Variants in PIP4K2B observed in about 807,000 individuals in gnomAD.
PIP4K2B encodes the protein phosphatidylinositol-5-phosphate 4-kinase type 2 beta.
PIP4K2B carries 3 observed loss-of-function variants against 42.0 expected under a neutral mutation model. The ratio of observed to expected loss-of-function variants is 0.07; its 90% confidence interval spans 0.03 to 0.18. The LOEUF (loss-of-function observed/expected upper bound fraction) is 0.18, where lower values mean the gene tolerates loss of function less well. Among genes scored for constraint, PIP4K2B ranks in the 10% least tolerant of loss-of-function variants. The probability of loss-of-function intolerance (pLI) is 1.00; values close to 1 mark genes in which losing one functional copy is unlikely to be tolerated. For synonymous variants in PIP4K2B, 204 were observed against 210.1 expected (o/e 0.97, Z 0.25); for missense variants, 332 against 562.3 (o/e 0.59, Z 4.14).
chr17:38,798,245 T>C (rs1910755326), intron 1 of PIP4K2B, among the ~76,000 whole-genome samples: 1 of 152,224 alleles, frequency 6.6e-6, no homozygotes. Context: ...TTAGTGAAGT[T>C]GGTGTTTCGG....
rs140913608 is a variant in PIP4K2B at position 38,771,093 on chromosome 17, G to A, written c.987C>T (p.Asn329=). ...CAAAGAACCGAGGAAAGCTGAGGAGGTTGCCAGGGCTGTCCGGAGGTGTGC... is the reference window on the plus strand; with the variant it reads ...CAAAGAACCGAGGAAAGCTGAGGAGATTGCCAGGGCTGTCCGGAGGTGTGC... ...SYGTPPDSPG[N]LLSFPRFFGP... Residue 329 remains asparagine, a synonymous_variant, in exon 8 of 10, where the codon AAC becomes AAT. Coordinates refer to ENST00000619039, the MANE Select transcript of PIP4K2B (RefSeq NM_003559.5). The A allele has an allele frequency of 6.2e-7, 1 of 1,614,036 alleles. No individual in the cohort carries two copies. Among genetic ancestry groups the A allele is most frequent in the African/African-American group, 1.3e-5 (1 of 74,906 alleles).
chr17:38,772,118 CACA>C (rs1368254287), intron 7 of PIP4K2B, among the ~76,000 whole-genome samples: 6 of 152,256 alleles, frequency 3.9e-5, no homozygotes, highest in African/African-American at 1.2e-4. Context: ...ATGGATATGA[CACA>C]ACAATATATT....
At chr17:38,796,959 G>C (rs1199422959) in intron 1 of PIP4K2B, among the ~76,000 whole-genome samples, 1 of 152,026 alleles carries the variant, frequency 6.6e-6, no homozygotes, top group East Asian at 1.9e-4. Flanking sequence ...TCTTCTTCTA[G>C]GCAGATGTCT....
chr17:38,773,493 C>G (rs143011688), intron 7 of PIP4K2B, among the ~76,000 whole-genome samples: 1 of 152,196 alleles, frequency 6.6e-6, no homozygotes, highest in Non-Finnish European at 1.5e-5. Flanking sequence ...GATTTCAAGA[C>G]AAAGTATGGA....
chr17:38,771,160 C>A lies in PIP4K2B; in HGVS notation c.920G>T (p.Cys307Phe). 1 of 1,614,138 alleles carries A rather than the reference C, an allele frequency of 6.2e-7. No homozygotes were observed. Among genetic ancestry groups the A allele is most frequent in the Non-Finnish European group, 8.5e-7 (1 of 1,180,012 alleles). ...EVEERAEDEE[C>F]ENDGVGGNLL... Reference sequence around the variant, plus strand: ...GTTGCCACCCACCCCATCATTCTCACACTCCTCGTCCTCTGCCCGCTCCTC... The same window carrying A: ...GTTGCCACCCACCCCATCATTCTCAAACTCCTCGTCCTCTGCCCGCTCCTC... The change falls in exon 8 of 10, where the codon TGT (cysteine) becomes TTT (phenylalanine). Residue 307 changes from cysteine to phenylalanine, a missense_variant. Physicochemically the swap from Cys to Phe is radical, Grantham distance 205. Coordinates refer to ENST00000619039, the MANE Select transcript of PIP4K2B (RefSeq NM_003559.5).
intron 1 of PIP4K2B, among the ~76,000 whole-genome samples, chr17:38,790,442 T>G (rs1172002179): frequency 6.6e-6 from 1 of 152,106 alleles, no homozygotes; most frequent in Non-Finnish European, 1.5e-5. Flanking sequence ...ATCCCAACAC[T>G]TTGGGAGGCC....
At chr17:38,777,594 A>G in intron 7 of PIP4K2B, 93 bp downstream of exon 7, 1 of 858,498 alleles carries the variant, frequency 1.2e-6, no homozygotes. Flanking sequence ...ATACTCCTGG[A>G]AAGTACTGAA....
chr17:38,776,636 A>C (rs888936673), intron 7 of PIP4K2B: 53 of 445,014 alleles, frequency 1.2e-4, no homozygotes, highest in African/African-American at 8.1e-4. Context: ...CTAAAAAAAA[A>C]CAAAACAAAC....
At chr17:38,798,984 G>A (rs1910803031) in intron 1 of PIP4K2B, among the ~76,000 whole-genome samples, 1 of 152,234 alleles carries the variant, frequency 6.6e-6, no homozygotes, top group Non-Finnish European at 1.5e-5. Context: ...TTGCCTTTGC[G>A]CTCCATGGGC....
At position 38,770,478 on chromosome 17, in the gene PIP4K2B, T is replaced by G. The variant is rs228289; in HGVS notation, c.1128A>C (p.Thr376=). 414,807 of 1,603,786 alleles carry G rather than the reference T, an allele frequency of 0.26. 59,223 individuals are homozygous for G. The highest frequency in any genetic ancestry group is 0.45 in the African/African-American group (33,732 of 74,708). Residue 376 remains threonine (T), a synonymous_variant, in exon 9 of 10, where the codon ACA becomes ACC. Coordinates refer to ENST00000619039, the MANE Select transcript of PIP4K2B (RefSeq NM_003559.5). ...TGGCAGCATGTGCAGCTTTCTTCTT[T>G]GTATCGTATGGCGTGAGGATATCAA... is the stretch of plus-strand genomic sequence containing the variant. ...AIIDILTPYD[T]KKKAAHAAKT... is the part of the protein sequence containing the mutation.
intron 2 of PIP4K2B, among the ~76,000 whole-genome samples, chr17:38,785,853 C>T (rs75630729): frequency 0.014 from 2,207 of 152,266 alleles, 45 homozygotes; most frequent in African/African-American, 0.05. Flanking sequence ...ATGCCCACTT[C>T]GAGAACCCGG....
intron 6 of PIP4K2B, among the ~76,000 whole-genome samples, 159 bp from the exon 7 acceptor site, chr17:38,777,959 C>G (rs1025383908): frequency 6.6e-6 from 1 of 152,118 alleles, no homozygotes; most frequent in Non-Finnish European, 1.5e-5. Flanking sequence ...GCCTCTAGTC[C>G]CAGGCTTTGG....
In PIP4K2B at chr17:38,767,893, T is replaced by A. The variant is rs1325284381; in HGVS notation, c.*1798A>T. On this transcript the variant is annotated 3_prime_UTR_variant, in exon 10 of 10. Coordinates refer to ENST00000619039, the MANE Select transcript of PIP4K2B (RefSeq NM_003559.5). ...CTTGCGGCAGTTGTTCAGACCTACC[T>A]ATGGCCCCTTCCTGGGGCCAAGGCA... 1 of 152,242 alleles carries A rather than the reference T, an allele frequency of 6.6e-6. No individual in the cohort carries two copies. Among genetic ancestry groups the A allele is most frequent in the Non-Finnish European group, 1.5e-5 (1 of 68,038 alleles). 9.4% of individuals were successfully genotyped at this position (152,242 alleles called of 1,614,324 possible).
At chr17:38,793,246 C>T (rs551264518) in intron 1 of PIP4K2B, among the ~76,000 whole-genome samples, 5,361 of 127,944 alleles carry the variant, frequency 0.042, 167 homozygotes, top group African/African-American at 0.1. Flanking sequence ...AAGATTTTTT[C>T]TTTTTTTTTT....
chr17:38,775,728 C>T (rs373743881), intron 7 of PIP4K2B, among the ~76,000 whole-genome samples: 76 of 152,056 alleles, frequency 5.0e-4, no homozygotes, highest in African/African-American at 1.7e-3. Context: ...CGTGGCAGCA[C>T]GCGCCTGTAG....
intron 1 of PIP4K2B, among the ~76,000 whole-genome samples, chr17:38,788,406 T>G (rs890128343): frequency 2.6e-5 from 4 of 151,930 alleles, no homozygotes; most frequent in African/African-American, 9.7e-5. Flanking sequence ...TTCACCATGT[T>G]AGCCTGGATA....
intron 1 of PIP4K2B, among the ~76,000 whole-genome samples, chr17:38,794,695 G>C (rs538098833): frequency 1.3e-5 from 2 of 149,420 alleles, no homozygotes; most frequent in African/African-American, 4.9e-5. Context: ...CCTTGGGTTA[G>C]GCAATGTCTT....
At position 38,772,667 on chromosome 17, in the gene PIP4K2B, C is replaced by T. The variant is rs143134489; in HGVS notation, c.808-1395G>A. ...TGCAATCTCGGCTCACTGCAACCTCCACCTCCCAGGTTCAAGTGATTCTCC... is the reference window on the plus strand; with the variant it reads ...TGCAATCTCGGCTCACTGCAACCTCTACCTCCCAGGTTCAAGTGATTCTCC... On this transcript the variant is annotated intron_variant, in intron 7 of 9. Transcript: ENST00000619039. 9.5e-3 allele frequency among the ~76,000 whole-genome samples: 1,450 copies of T among 152,282 alleles called. 31 individuals carry two copies. The highest frequency in any genetic ancestry group is 0.034 in the African/African-American group (1,406 of 41,552).
chr17:38,769,611 C>A lies in PIP4K2B; in HGVS notation c.*80G>T. 2 of 868,940 alleles carry A rather than the reference C, an allele frequency of 2.3e-6. No homozygotes were observed. The highest frequency in any genetic ancestry group is 4.0e-6 in the Non-Finnish European group (2 of 499,582). 53.8% of individuals were successfully genotyped at this position (868,940 alleles called of 1,614,324 possible). ...ACTCTGCTCCCACCCTCCCATCTAG[C>A]CCAAATACACCCTTCTCCCTAACTC... On this transcript the variant is annotated 3_prime_UTR_variant, in exon 10 of 10. Transcript: ENST00000619039.
Sources: allele counts gnomAD v4.1 joint callset (sites outside exome capture counted in the v4.1 genomes callset), GRCh38; gene constraint gnomAD v4.1.1; transcripts MANE v1.5; gene names NCBI Gene and HGNC (gene_info 2026-07-23, HGNC 2026-07-21).